The following SEMA4F variants were observed in gnomAD, a reference collection of about 807,000 sequenced individuals.
SEMA4F encodes ssemaphorin 4F, also known as semaphorin-4F.
SEMA4F carries 51 observed loss-of-function variants against 78.4 expected under a neutral mutation model. The ratio of observed to expected loss-of-function variants is 0.65; its 90% CI spans 0.52 to 0.82. The LOEUF (loss-of-function observed/expected upper bound fraction) is 0.82. SEMA4F is among the 40% of genes least tolerant of loss of function. The pLI is 0.00. For synonymous variants in SEMA4F, 418 were observed against 408.7 expected, an observed-to-expected ratio of 1.02 and a Z score of -0.27; for missense variants, 938 against 1,014.4, an observed-to-expected ratio of 0.92 and a Z score of 1.02.
At chr2:74,655,034 C>T (rs79950553) in intron 1 of SEMA4F, among the ~76,000 whole-genome samples, 3,779 of 152,298 alleles carry the variant, frequency 0.025, 72 homozygotes, top group Non-Finnish European at 0.043. Context: ...TCCATCTTCT[C>T]CAATTCATTT....
chr2:74,703,213 ATCT>A, the SEMA4F span, among the ~76,000 whole-genome samples: 1 of 152,212 alleles, frequency 6.6e-6, no homozygotes, highest in Admixed American at 6.5e-5. Flanking sequence ...ACCTAACGTC[ATCT>A]TCTGAGCTGG....
Position 74,675,792 on chromosome 2 carries a change from A to G in SEMA4F, c.1526A>G (p.Asn509Ser), listed in dbSNP as rs1685245999. The G allele has an allele frequency of 1.2e-6, 2 of 1,614,092 alleles. No individual in the cohort carries two copies. The highest frequency in any genetic ancestry group is 1.7e-6 in the Non-Finnish European group (2 of 1,180,038). The change falls in exon 12 of 14, where the codon AAT (asparagine) becomes AGT (serine). Residue 509 changes from asparagine to serine, a missense_variant. Physicochemically the swap from Asn to Ser is conservative, Grantham distance 46. Transcript: ENST00000357877. ...TCCCGTACTGAGGTGACACAAGTGA[A>G]TACAACCAACTGTGGCCGTCTCCAG... ...VGSRTEVTQV[N>S]TTNCGRLQSC...
At chr2:74,697,249 A>C in the SEMA4F span, among the ~76,000 whole-genome samples, 5 of 152,202 alleles carry the variant, frequency 3.3e-5, no homozygotes, top group Non-Finnish European at 7.3e-5. Context: ...GTCCTGAGGC[A>C]TGCTGGGTGA....
At chr2:74,656,904 A>C (rs979231711) in intron 2 of SEMA4F, among the ~76,000 whole-genome samples, 1 of 152,080 alleles carries the variant, frequency 6.6e-6, no homozygotes, top group Non-Finnish European at 1.5e-5. Flanking sequence ...AAGGAGGTTC[A>C]TGATGATGGG....
At chr2:74,698,427 G>A in the SEMA4F span, among the ~76,000 whole-genome samples, 1 of 152,192 alleles carries the variant, frequency 6.6e-6, no homozygotes, top group African/African-American at 2.4e-5. Flanking sequence ...TGTTCATGGA[G>A]CTGGCTGTAA....
chr2:74,675,586 G>C lies in SEMA4F; in HGVS notation c.1434G>C (p.Leu478=). 1.9e-6 allele frequency: 3 copies of C among 1,614,194 alleles called. No homozygotes were observed. ...CTCAGCTCAGCGTTCTTGAAGATCT[G>C]GCCTTATTCCCAGAGCCACAGCCAG... ...IGAQLSVLED[L]ALFPEPQPVE... Residue 478 remains leucine, a synonymous_variant, in exon 11 of 14, where the codon CTG becomes CTC. Coordinates refer to ENST00000357877, the MANE Select transcript of SEMA4F (RefSeq NM_004263.5).
chr2:74,696,759 A>T, the SEMA4F span, among the ~76,000 whole-genome samples: 1 of 152,360 alleles, frequency 6.6e-6, no homozygotes, highest in Admixed American at 6.5e-5. Context: ...AAAATATTAA[A>T]ATGCATTCTT....
chr2:74,658,316 C>T lies in SEMA4F; in HGVS notation c.456+365C>T, dbSNP rs151051801. Among the ~76,000 whole-genome samples, 683 of 152,310 alleles carry T rather than the reference C, an allele frequency of 4.5e-3. 6 individuals are homozygous for T. Among genetic ancestry groups the T allele is most frequent in the African/African-American group, 0.016 (655 of 41,552 alleles). On this transcript the variant is annotated intron_variant, in intron 4 of 13. Transcript: ENST00000357877. This position sits in a 1 kb window ranked among gnomAD's most constrained non-coding sequence, Gnocchi z 4.3. ...TTCCCTTGCCCTGTGTATGCTTTGT[C>T]CAGGCAGCCTGTGTCCATTTCTTAA... is the stretch of plus-strand genomic sequence containing the variant.
chr2:74,702,933 A>G, the SEMA4F span, among the ~76,000 whole-genome samples: 1 of 152,158 alleles, frequency 6.6e-6, no homozygotes. Context: ...GAAAATGGTC[A>G]TTTTCCCATA....
chr2:74,659,067 A>G lies in SEMA4F; in HGVS notation c.456+1116A>G, dbSNP rs370526021. On this transcript the variant is annotated intron_variant, in intron 4 of 13. Transcript: ENST00000357877. ...GTTGGACTTATGTTAAGTCCTTTTC[A>G]TAATGCAGGTGATACACACTCCCTA... Among the ~76,000 whole-genome samples the G allele has an allele frequency of 2.6e-5, 4 of 152,132 alleles. No homozygotes were observed. In the South Asian group the frequency reaches 8.3e-4, roughly 32 times the overall value.
Position 74,675,160 on chromosome 2 carries a change from A to C in SEMA4F, c.1150-2A>C. ...TTGTCACCAGCCCTGTATTTCCTCT[A>C]GTGCATCACCAACAACATGAAGCTC... On this transcript the variant is annotated splice_acceptor_variant, in intron 9 of 13. Coordinates refer to ENST00000357877, the MANE Select transcript of SEMA4F (RefSeq NM_004263.5). LOFTEE classifies it high-confidence loss of function. The C allele has an allele frequency of 6.2e-7, 1 of 1,613,996 alleles. No individual in the cohort carries two copies. Among genetic ancestry groups the C allele is most frequent in the Non-Finnish European group, 8.5e-7 (1 of 1,179,964 alleles).
In SEMA4F at chr2:74,654,319, C is replaced by G. The variant is rs941288388; in HGVS notation, c.-58C>G. The G allele has an allele frequency of 7.9e-6, 11 of 1,391,342 alleles. No individual in the cohort carries two copies. The highest frequency in any genetic ancestry group is 3.4e-5 in the Admixed American group (1 of 29,808). The allele number at this position is 1,391,342 out of a possible 1,614,324, so 86.2% of individuals were successfully genotyped here. On this transcript the variant is annotated 5_prime_UTR_variant, in exon 1 of 14. Coordinates refer to ENST00000357877, the MANE Select transcript of SEMA4F (RefSeq NM_004263.5). ...CGAGTGGGGCCGAGGCCAGTAGCCC[C>G]GGGGCCCTGAGCAGAGGCCGTAGCT...
chr2:74,654,924 C>G (rs1372562213), intron 1 of SEMA4F, among the ~76,000 whole-genome samples: 2 of 152,242 alleles, frequency 1.3e-5, no homozygotes, highest in Non-Finnish European at 2.9e-5. Context: ...CCCGCACATA[C>G]ACCTGGGTCC....
the SEMA4F span, among the ~76,000 whole-genome samples, chr2:74,694,554 G>A: frequency 5.3e-5 from 8 of 152,088 alleles, no homozygotes; most frequent in East Asian, 1.9e-4. Context: ...TTCCCCCAGC[G>A]TTCCTATTCC....
the SEMA4F span, among the ~76,000 whole-genome samples, chr2:74,698,508 A>T: frequency 2.0e-5 from 3 of 152,288 alleles, no homozygotes; most frequent in Admixed American, 6.5e-5. Flanking sequence ...AGGTATCTGT[A>T]AACTCAGTCA....
chr2:74,699,197 C>G, the SEMA4F span, among the ~76,000 whole-genome samples: 1 of 152,192 alleles, frequency 6.6e-6, no homozygotes, highest in African/African-American at 2.4e-5. Flanking sequence ...TACCTTTGAG[C>G]TACTCTGACT....
intron 5 of SEMA4F, among the ~76,000 whole-genome samples, chr2:74,672,075 A>G (rs1384063814): frequency 3.3e-5 from 5 of 152,232 alleles, no homozygotes; most frequent in Non-Finnish European, 7.3e-5. Context: ...CTCCTAAAAA[A>G]AGAAATCTCT....
At chr2:74,665,309 G>A (rs554575546) in intron 5 of SEMA4F, among the ~76,000 whole-genome samples, 14 of 147,716 alleles carry the variant, frequency 9.5e-5, no homozygotes, top group African/African-American at 3.5e-4. Flanking sequence ...CACTCACTGC[G>A]AACTGCACCT....
intron 5 of SEMA4F, among the ~76,000 whole-genome samples, chr2:74,664,933 G>C (rs1684608273): frequency 6.6e-6 from 1 of 151,940 alleles, no homozygotes; most frequent in Admixed American, 6.6e-5. Context: ...ATAACTCTTT[G>C]ATCTGTTAAT....
Sources: gnomAD v4.1 joint callset for allele counts (sites outside exome capture counted in the v4.1 genomes callset) on GRCh38, gnomAD v4.1.1 for gene constraint, Gnocchi (gnomAD v3.1) non-coding constraint, MANE v1.5 for transcripts, NCBI Gene and HGNC (gene_info 2026-07-23, HGNC 2026-07-21) for gene names.